The following FRAS1 variants were observed in gnomAD, a reference collection of about 807,000 sequenced individuals.
The protein encoded by FRAS1 is extracellular matrix organizing protein FRAS1.
A neutral mutation model predicts 435.2 loss-of-function variants in FRAS1; 290 were observed. That is an observed-to-expected ratio of 0.67 (90% CI 0.61 to 0.73). The LOEUF is 0.73. Ranked by LOEUF, FRAS1 falls within the 30% of genes least tolerant of loss-of-function variation. The pLI, the probability that FRAS1 is intolerant of heterozygous loss-of-function variation, is 0.00. For missense variants in FRAS1, 4,860 were observed against 5,001.5 expected, an observed-to-expected ratio of 0.97 and a Z score of 0.85; for synonymous variants, 1,800 against 1,851.0, an observed-to-expected ratio of 0.97 and a Z score of 0.71.
intron 2 of FRAS1, among the ~76,000 whole-genome samples, chr4:78,165,717 T>G (rs35060393): frequency 0.16 from 24,708 of 152,122 alleles, 2,140 homozygotes; most frequent in Non-Finnish European, 0.19. Context: ...GGCTAGGGGT[T>G]GGCTCCTGTG....
At chr4:78,205,331 A>C (rs1016300569) in intron 2 of FRAS1, among the ~76,000 whole-genome samples, 1 of 151,348 alleles carries the variant, frequency 6.6e-6, no homozygotes, top group South Asian at 2.1e-4. Flanking sequence ...CCTCCTGTGT[A>C]GCTGAGACCA....
At chr4:78,087,050 G>A (rs1213252360) in intron 2 of FRAS1, among the ~76,000 whole-genome samples, 4 of 152,140 alleles carry the variant, frequency 2.6e-5, no homozygotes, top group Non-Finnish European at 5.9e-5. Flanking sequence ...ACCGAATCCA[G>A]CAGCACATCA....
intron 20 of FRAS1, among the ~76,000 whole-genome samples, chr4:78,346,418 A>G (rs1245909985): frequency 1.3e-5 from 2 of 152,150 alleles, no homozygotes; most frequent in Admixed American, 6.5e-5. Context: ...ATGTTAACCC[A>G]CTTACCCAAC....
chr4:78,359,750 G>A (rs1731004303), intron 20 of FRAS1, among the ~76,000 whole-genome samples: 1 of 152,150 alleles, frequency 6.6e-6, no homozygotes, highest in African/African-American at 2.4e-5. Flanking sequence ...TCCTGTGTGA[G>A]GTAGAACTAT....
At chr4:78,501,162 T>A (rs1035260564) in intron 61 of FRAS1, among the ~76,000 whole-genome samples, 2 of 152,150 alleles carry the variant, frequency 1.3e-5, no homozygotes, top group African/African-American at 4.8e-5. Context: ...TTCCCTGCCC[T>A]GTGTCCAAGT....
chr4:78,072,496 G>T (rs1251967629), intron 2 of FRAS1, among the ~76,000 whole-genome samples: 1 of 152,258 alleles, frequency 6.6e-6, no homozygotes, highest in South Asian at 2.1e-4. Context: ...ATTAGTGAAT[G>T]GTGGCTAGTG....
At chr4:78,537,754 G>A (rs11937001) in intron 72 of FRAS1, among the ~76,000 whole-genome samples, 23,386 of 151,896 alleles carry the variant, frequency 0.15, 2,000 homozygotes, top group Non-Finnish European at 0.21. Context: ...ACAAGCCTGA[G>A]AAACATAAGG....
intron 2 of FRAS1, among the ~76,000 whole-genome samples, chr4:78,129,079 A>T (rs944344838): frequency 1.3e-5 from 2 of 152,074 alleles, no homozygotes; most frequent in Non-Finnish European, 2.9e-5. Context: ...ATGCGGCATT[A>T]TTTCTGAGGG....
At chr4:78,246,644 TATGATAAGTGCATGGTTCAAGGTGA>T (rs1725262594) in intron 4 of FRAS1, among the ~76,000 whole-genome samples, 1 of 152,206 alleles carries the variant, frequency 6.6e-6, no homozygotes, top group South Asian at 2.1e-4. Flanking sequence ...TCCGAATGAT[TATGATAAGTGCATGGTTCAAGGTGA>T]ATGATAAGTG....
chr4:78,440,017 C>CTTTTTT (rs1163344254), intron 40 of FRAS1, among the ~76,000 whole-genome samples: 226 of 92,986 alleles, frequency 2.4e-3, no homozygotes, highest in Non-Finnish European at 2.9e-3. Flanking sequence ...TAAGTCATTT[C>CTTTTTT]TTTTTTTTTT....
chr4:78,363,837 C>T (rs867344742), intron 21 of FRAS1, 71 bp from the exon 22 acceptor site: 2 of 1,524,370 alleles, frequency 1.3e-6, no homozygotes, highest in African/African-American at 1.4e-5. Flanking sequence ...CTTTATTACC[C>T]ACACTTGGGG....
chr4:78,457,787 T>A (rs1348647009), intron 47 of FRAS1, among the ~76,000 whole-genome samples: 4 of 152,196 alleles, frequency 2.6e-5, no homozygotes, highest in African/African-American at 9.7e-5. Context: ...TTCTACTTTG[T>A]ACTCACTGCC....
intron 12 of FRAS1, among the ~76,000 whole-genome samples, chr4:78,283,218 G>A (rs1727416880): frequency 6.6e-6 from 1 of 152,126 alleles, no homozygotes; most frequent in Non-Finnish European, 1.5e-5. Context: ...TTTTCTTGTT[G>A]ATAAAATATG....
intron 2 of FRAS1, among the ~76,000 whole-genome samples, chr4:78,163,112 A>G (rs928363814): frequency 2.6e-5 from 4 of 152,214 alleles, no homozygotes; most frequent in African/African-American, 7.2e-5. Flanking sequence ...CTCTAGAAAA[A>G]TACACCCAAA....
intron 9 of FRAS1, among the ~76,000 whole-genome samples, chr4:78,274,614 G>C (rs1331713959): frequency 4.6e-5 from 7 of 152,166 alleles, no homozygotes; most frequent in Non-Finnish European, 1.5e-5. Context: ...TTTCCATGTA[G>C]TTGAGCAGTT....
chr4:78,233,431 C>T (rs1476174051), intron 2 of FRAS1, among the ~76,000 whole-genome samples: 2 of 152,224 alleles, frequency 1.3e-5, no homozygotes, highest in Non-Finnish European at 2.9e-5. Context: ...TAATTTCACT[C>T]TGCTAGGTTT....
intron 61 of FRAS1, among the ~76,000 whole-genome samples, chr4:78,506,425 C>A (rs769816632): frequency 6.6e-6 from 1 of 152,184 alleles, no homozygotes; most frequent in Non-Finnish European, 1.5e-5. Flanking sequence ...GCTTCCCAGC[C>A]GCTTTGTTTA....
chr4:78,116,608 CT>C (rs1319676903), intron 2 of FRAS1, among the ~76,000 whole-genome samples: 6 of 152,096 alleles, frequency 3.9e-5, no homozygotes, highest in African/African-American at 1.4e-4. Context: ...CTCTTTTGAT[CT>C]TTCTTGGTTT....
chr4:78,452,215 G>C lies in FRAS1; in HGVS notation c.6624G>C (p.Leu2208=), dbSNP rs376456856. 4.3e-6 allele frequency: 7 copies of C among 1,613,722 alleles called. No individual in the cohort carries two copies. Among genetic ancestry groups the C allele is most frequent in the Admixed American group, 1.7e-5 (1 of 59,998 alleles). The change falls in exon 47 of 74, where the codon CTG becomes CTC. Residue 2208 remains leucine (L), a synonymous_variant. Transcript: ENST00000512123. Reference sequence around the variant, plus strand: ...CAGTCATCACCACCAATAAAGGACTGGTCTTGGATGAAAACTCAGTGAAGA... The same window carrying C: ...CAGTCATCACCACCAATAAAGGACTCGTCTTGGATGAAAACTCAGTGAAGA... The part of the protein sequence containing the change: ...SPPVITTNKG[L]VLDENSVKKI...
Sources: allele counts gnomAD v4.1 joint callset (sites outside exome capture counted in the v4.1 genomes callset), GRCh38; gene constraint gnomAD v4.1.1; transcripts MANE v1.5; gene names NCBI Gene and HGNC (gene_info 2026-07-23, HGNC 2026-07-21).